CAMK1D: variants seen among roughly 807,000 people sequenced by gnomAD.
The protein encoded by CAMK1D is calcium/calmodulin-dependent protein kinase type 1D.
In CAMK1D, 9 loss-of-function variants were observed where a neutral mutation model predicts 47.7. The observed-to-expected ratio is 0.19, with a 90% CI of 0.11 to 0.33. CAMK1D has a LOEUF of 0.33. Ranked by LOEUF, CAMK1D falls within the 10% of genes least tolerant of loss-of-function variation. The pLI is 1.00. For synonymous variants in CAMK1D, 184 were observed against 184.9 expected (o/e 0.99, Z 0.04); for missense variants, 291 against 488.7 (o/e 0.60, Z 3.81).
In CAMK1D at chr10:12,546,760, T is replaced by C. The variant is rs963584052; in HGVS notation, c.93-6465T>C. On this transcript the variant is annotated intron_variant, in intron 1 of 10. Transcript: ENST00000619168. Reference sequence around the variant, plus strand: ...TCACTCATAGGTGGGAAGTGAACAATGAGAACACATGGACACAGGAAGGGG... The same window carrying C: ...TCACTCATAGGTGGGAAGTGAACAACGAGAACACATGGACACAGGAAGGGG... Among the ~76,000 whole-genome samples, 6 of 136,960 alleles carry C rather than the reference T, an allele frequency of 4.4e-5. No homozygotes were observed. The East Asian group carries it at 1.0e-3, about 24-fold the overall frequency. 89.9% of individuals were successfully genotyped at this position (136,960 alleles called of 152,430 possible). A position where few individuals can be genotyped will look rare whatever the true frequency, so the allele number is the denominator to read the frequency against.
At chr10:12,796,337 A>G (rs45562938) in intron 6 of CAMK1D, among the ~76,000 whole-genome samples, 3,456 of 152,222 alleles carry the variant, frequency 0.023, 45 homozygotes, top group African/African-American at 0.046. Flanking sequence ...CAAAACGCTG[A>G]TGGTACTCCA....
intron 2 of CAMK1D, among the ~76,000 whole-genome samples, chr10:12,573,172 G>A (rs1387486129): frequency 6.6e-6 from 1 of 152,204 alleles, no homozygotes; most frequent in Non-Finnish European, 1.5e-5. Context: ...GACCCCACAG[G>A]CCTGTGAGAA....
chr10:12,606,891 A>G (rs538839441), intron 2 of CAMK1D, among the ~76,000 whole-genome samples: 3 of 151,926 alleles, frequency 2.0e-5, no homozygotes, highest in African/African-American at 7.2e-5. Context: ...GCCGTGGCGC[A>G]GTCTCAGCTC....
At chr10:12,741,995 G>C (rs182590889) in intron 3 of CAMK1D, among the ~76,000 whole-genome samples, 1 of 152,292 alleles carries the variant, frequency 6.6e-6, no homozygotes, top group East Asian at 1.9e-4. Flanking sequence ...GCCAGCATCT[G>C]GGGTGTCCTG....
At chr10:12,812,734 G>A (rs989883691) in intron 6 of CAMK1D, among the ~76,000 whole-genome samples, 3 of 152,134 alleles carry the variant, frequency 2.0e-5, no homozygotes, top group East Asian at 1.9e-4. Context: ...ATCAAGCTCC[G>A]CCTTCCTGCA....
chr10:12,497,955 G>T (rs1267438658), intron 1 of CAMK1D, among the ~76,000 whole-genome samples: 4 of 152,216 alleles, frequency 2.6e-5, no homozygotes, highest in Non-Finnish European at 5.9e-5. Flanking sequence ...GGTGAATGGG[G>T]AGTGAAGGCA....
intron 1 of CAMK1D, among the ~76,000 whole-genome samples, chr10:12,353,116 G>A (rs140051264): frequency 2.6e-5 from 4 of 152,268 alleles, no homozygotes; most frequent in East Asian, 1.9e-4. Flanking sequence ...ACTCTGGCCC[G>A]AGTCTTAATG....
intron 6 of CAMK1D, among the ~76,000 whole-genome samples, chr10:12,813,316 G>A (rs866290013): frequency 3.9e-5 from 6 of 152,154 alleles, no homozygotes; most frequent in East Asian, 1.9e-4. Flanking sequence ...GGTTATGTGC[G>A]TGACAATGTG....
At position 12,784,753 on chromosome 10, in the gene CAMK1D, A is replaced by C. The variant is rs956076130; in HGVS notation, c.566-6405A>C. ...TTTTTCTTGTACCTACTCACCAAAA[A>C]TATTTCAGGCAGCAAAGTTGACTTG... On this transcript the variant is annotated intron_variant, in intron 5 of 10. Transcript: ENST00000619168. Among the ~76,000 whole-genome samples, 36 of 152,196 alleles carry C rather than the reference A, an allele frequency of 2.4e-4. 1 individual carries two copies. Among genetic ancestry groups the C allele is most frequent in the African/African-American group, 8.4e-4 (35 of 41,454 alleles).
At chr10:12,793,229 C>T (rs1234865367) in intron 6 of CAMK1D, among the ~76,000 whole-genome samples, 1 of 152,188 alleles carries the variant, frequency 6.6e-6, no homozygotes, top group East Asian at 1.9e-4. Context: ...TTCCCTGGGG[C>T]TGGGGAAAGT....
At chr10:12,375,780 G>A (rs1280689143) in intron 1 of CAMK1D, among the ~76,000 whole-genome samples, 1 of 152,148 alleles carries the variant, frequency 6.6e-6, no homozygotes, top group African/African-American at 2.4e-5. Flanking sequence ...GGGAAGCAGT[G>A]TGTATTTGGC....
intron 2 of CAMK1D, among the ~76,000 whole-genome samples, chr10:12,651,613 G>T (rs1839967682): frequency 6.6e-6 from 1 of 151,824 alleles, no homozygotes; most frequent in Non-Finnish European, 1.5e-5. Flanking sequence ...TGTTGTCCAG[G>T]CTGGTCTCAA....
intron 2 of CAMK1D, among the ~76,000 whole-genome samples, chr10:12,611,958 A>G (rs970810039): frequency 6.6e-6 from 1 of 152,292 alleles, no homozygotes; most frequent in East Asian, 1.9e-4. Context: ...TCTCCACTTC[A>G]TGAAGCATTT....
At chr10:12,421,886 G>A (rs975196823) in intron 1 of CAMK1D, among the ~76,000 whole-genome samples, 2 of 150,598 alleles carry the variant, frequency 1.3e-5, no homozygotes, top group East Asian at 2.0e-4. Flanking sequence ...GCTTGATCTT[G>A]GCTCACTGCA....
At chr10:12,580,591 G>A (rs1837634736) in intron 2 of CAMK1D, among the ~76,000 whole-genome samples, 1 of 152,048 alleles carries the variant, frequency 6.6e-6, no homozygotes, top group African/African-American at 2.4e-5. Flanking sequence ...TTGAAAAATG[G>A]AATGTAAATC....
At chr10:12,488,119 T>C (rs137896488) in intron 1 of CAMK1D, among the ~76,000 whole-genome samples, 11 of 152,232 alleles carry the variant, frequency 7.2e-5, no homozygotes, top group Admixed American at 7.2e-4. Context: ...GCTAACAACT[T>C]GCTATTGTAC....
intron 2 of CAMK1D, among the ~76,000 whole-genome samples, chr10:12,564,437 G>A (rs1837060573): frequency 1.3e-5 from 2 of 152,146 alleles, no homozygotes; most frequent in East Asian, 1.9e-4. Flanking sequence ...TGTATTTTAA[G>A]TTGTATGTAA....
chr10:12,491,379 C>T (rs1316267179), intron 1 of CAMK1D, among the ~76,000 whole-genome samples: 1 of 152,126 alleles, frequency 6.6e-6, no homozygotes, highest in South Asian at 2.1e-4. Context: ...ATTTTATTAA[C>T]CCCTTTTTAT....
chr10:12,663,653 T>A (rs1162729696), intron 2 of CAMK1D, among the ~76,000 whole-genome samples: 1 of 152,150 alleles, frequency 6.6e-6, no homozygotes, highest in Admixed American at 6.5e-5. Context: ...CCTAGGACTG[T>A]GCCTGATACA....
Sources: allele counts gnomAD v4.1 joint callset (sites outside exome capture counted in the v4.1 genomes callset), GRCh38; gene constraint gnomAD v4.1.1; transcripts MANE v1.5; gene names NCBI Gene and HGNC (gene_info 2026-07-23, HGNC 2026-07-21).